Variants in SCN1A observed in about 807,000 individuals in gnomAD.
The protein encoded by SCN1A is sodium channel protein type 1 subunit alpha.
Under a neutral mutation model 193.7 loss-of-function variants are expected in SCN1A, and 13 were observed. The observed-to-expected ratio is 0.07, with a 90% CI of 0.04 to 0.11. The LOEUF (loss-of-function observed/expected upper bound fraction) is 0.11. Among genes scored for constraint, SCN1A ranks in the 10% least tolerant of loss-of-function variants. The pLI, the probability that SCN1A is intolerant of heterozygous loss-of-function variation, is 1.00. For synonymous variants in SCN1A, 781 were observed against 843.6 expected, an observed-to-expected ratio of 0.93 and a Z score of 1.29; for missense variants, 1,432 against 2,451.1, an observed-to-expected ratio of 0.58 and a Z score of 8.78.
At chr2:166,138,776 C>G (rs1691964477) in intron 1 of SCN1A, among the ~76,000 whole-genome samples, 1 of 152,136 alleles carries the variant, frequency 6.6e-6, no homozygotes, top group Admixed American at 6.5e-5. Flanking sequence ...CTCCAGACCC[C>G]AGAATGGTAG....
At chr2:166,011,881 T>G (rs1030566958) in intron 22 of SCN1A, among the ~76,000 whole-genome samples, 3 of 151,296 alleles carry the variant, frequency 2.0e-5, no homozygotes, top group Non-Finnish European at 4.4e-5. Context: ...TCTTTAGCTT[T>G]CTCAGATAAC....
intron 7 of SCN1A, among the ~76,000 whole-genome samples, chr2:166,053,924 T>C (rs7606654): frequency 0.48 from 73,370 of 151,494 alleles, 18,416 homozygotes; most frequent in East Asian, 0.56. Flanking sequence ...GTGCATAAAC[T>C]GTGCATATTA....
chr2:166,060,098 A>C (rs1166813275), intron 4 of SCN1A: 1 of 152,190 alleles, frequency 6.6e-6, no homozygotes, highest in Non-Finnish European at 1.5e-5. Flanking sequence ...TCAGTTTTCT[A>C]GAAACTAATT....
In SCN1A at chr2:166,050,227, C is replaced by T. The variant is rs553914672; in HGVS notation, c.965-1278G>A. Among the ~76,000 whole-genome samples, 10 of 151,892 alleles carry T rather than the reference C, an allele frequency of 6.6e-5. 1 individual carries two copies. Among genetic ancestry groups the T allele is most frequent in the African/African-American group, 2.4e-4 (10 of 41,486 alleles). ...AATTCAATGATCTAACCTTAATGAT[C>T]AGCCTTAACCTGAGGAAAATATAAT... On this transcript the variant is annotated intron_variant, in intron 9 of 28. Coordinates refer to ENST00000674923, the MANE Select transcript of SCN1A (RefSeq NM_001165963.4).
intron 19 of SCN1A, among the ~76,000 whole-genome samples, chr2:166,033,174 G>C (rs1384821939): frequency 6.6e-6 from 1 of 151,924 alleles, no homozygotes; most frequent in Non-Finnish European, 1.5e-5. Flanking sequence ...TATATCTCTG[G>C]GAACCAAAAA....
rs1574068592 is a variant in SCN1A, at chr2:166,015,551, C to T, written c.3550+56G>A. 4 of 1,605,922 alleles carry T rather than the reference C, an allele frequency of 2.5e-6. No individual in the cohort carries two copies. In the East Asian group the frequency reaches 8.9e-5, roughly 36 times the overall value. ...TATGTGATTTATTTTAGCTGACCAA[C>T]AGCTAAACAAGCTGCACTCCAAATG... On this transcript the variant is annotated intron_variant, in intron 20 of 28. Transcript: ENST00000674923.
rs942831187 is a variant in SCN1A at position 166,053,029 on chromosome 2, C to A, written c.603-86G>T. 3.2e-5 allele frequency: 46 copies of A among 1,422,862 alleles called. No individual in the cohort carries two copies. In the African/African-American group the frequency reaches 5.4e-4, roughly 17 times the overall value. The allele number at this position is 1,422,862 out of a possible 1,614,324, so 88.1% of individuals were successfully genotyped here. On this transcript the variant is annotated intron_variant, in intron 7 of 28. Coordinates refer to ENST00000674923, the MANE Select transcript of SCN1A (RefSeq NM_001165963.4). ...CAAAGAGCCTATCCTTTACTCTAAT[C>A]ACTTCTTACCTGGAATTACCGAAAT...
chr2:166,105,780 G>T (rs1330479302), intron 2 of SCN1A, among the ~76,000 whole-genome samples: 3 of 151,994 alleles, frequency 2.0e-5, no homozygotes, highest in African/African-American at 7.3e-5. Flanking sequence ...TCCTTTTCAG[G>T]GATAGCATCA....
intron 2 of SCN1A, among the ~76,000 whole-genome samples, chr2:166,098,104 A>T: frequency 6.6e-6 from 1 of 152,196 alleles, no homozygotes; most frequent in East Asian, 1.9e-4. Context: ...ATGAATATAG[A>T]CACAAAAATC....
intron 19 of SCN1A, among the ~76,000 whole-genome samples, chr2:166,030,722 AGAGTT>A (rs1459858800): frequency 1.3e-5 from 2 of 152,102 alleles, no homozygotes; most frequent in East Asian, 3.9e-4. Flanking sequence ...TGCTCATAGT[AGAGTT>A]AAGGCTTATA....
At chr2:166,104,326 A>T (rs1304763957) in intron 2 of SCN1A, 1 of 152,238 alleles carries the variant, frequency 6.6e-6, no homozygotes, top group Non-Finnish European at 1.5e-5. Flanking sequence ...ACATTGTCTA[A>T]TGTTACAGCA....
intron 2 of SCN1A, among the ~76,000 whole-genome samples, chr2:166,121,782 G>C (rs1327869431): frequency 2.0e-5 from 3 of 152,140 alleles, no homozygotes. Flanking sequence ...AACTGTTAGA[G>C]GCTGAATTGT....
At chr2:166,126,573 T>G (rs1258401147) in intron 2 of SCN1A, 1 of 152,194 alleles carries the variant, frequency 6.6e-6, no homozygotes, top group Non-Finnish European at 1.5e-5. Flanking sequence ...CAACATCCTC[T>G]TGGGATGATT....
At chr2:166,134,650 T>A (rs1006506394) in intron 1 of SCN1A, among the ~76,000 whole-genome samples, 57 of 152,274 alleles carry the variant, frequency 3.7e-4, no homozygotes, top group African/African-American at 1.4e-3. Flanking sequence ...CAAAGACAGC[T>A]CCAGAAAATA....
chr2:166,023,710 A>C (rs967509967), intron 19 of SCN1A, among the ~76,000 whole-genome samples: 1 of 151,986 alleles, frequency 6.6e-6, no homozygotes, highest in African/African-American at 2.4e-5. Context: ...TGGCTAAAAA[A>C]GTCCTGTGAT....
intron 19 of SCN1A, among the ~76,000 whole-genome samples, chr2:166,028,565 T>C (rs1695117177): frequency 6.6e-6 from 1 of 152,188 alleles, no homozygotes; most frequent in Non-Finnish European, 1.5e-5. Context: ...TATTCTGACC[T>C]CCTTAGGCTT....
At chr2:166,131,222 GA>G (rs1352050959), upstream of SCN1A, among the ~76,000 whole-genome samples, 1 of 152,098 alleles carries the variant, frequency 6.6e-6, no homozygotes, top group Non-Finnish European at 1.5e-5. Context: ...TCAGAAGCTG[GA>G]AAAAATTAGC....
chr2:166,047,882 A>C (rs1385736959), intron 10 of SCN1A, 114 bp from the exon 11 acceptor site: 1 of 1,396,670 alleles, frequency 7.2e-7, no homozygotes, highest in African/African-American at 1.4e-5. Context: ...TAAAAGTTTG[A>C]CAAATAAGTA....
In SCN1A at chr2:165,985,835, T is replaced by C. The variant is rs1688576645; in HGVS notation, c.*5410A>G. The C allele has an allele frequency of 6.6e-6, 1 of 152,180 alleles. No homozygotes were observed. The highest frequency in any genetic ancestry group is 1.5e-5 in the Non-Finnish European group (1 of 68,016). The allele number at this position is 152,180 out of a possible 1,614,324, so 9.4% of individuals were successfully genotyped here. On this transcript the variant is annotated 3_prime_UTR_variant, in exon 29 of 29. Coordinates refer to ENST00000674923, the MANE Select transcript of SCN1A (RefSeq NM_001165963.4). ...CAATTCATGGTGGTTTAGAAACACA[T>C]TTATTTTCTTATATAATAAGAAATT...
Sources: allele counts gnomAD v4.1 joint callset (sites outside exome capture counted in the v4.1 genomes callset), GRCh38; gene constraint gnomAD v4.1.1; transcripts MANE v1.5; gene names NCBI Gene and HGNC (gene_info 2026-07-23, HGNC 2026-07-21).